Variants in EXT1 observed in about 807,000 individuals in gnomAD.
The protein encoded by EXT1 is exostosin-1.
In EXT1, 20 loss-of-function variants were observed where a neutral mutation model predicts 82.5. That is an observed-to-expected ratio of 0.24 (90% CI 0.17 to 0.35). EXT1 has a LOEUF of 0.35. Ranked by LOEUF, EXT1 falls within the 10% of genes least tolerant of loss-of-function variation. The pLI, the probability that EXT1 is intolerant of heterozygous loss-of-function variation, is 1.00. For missense variants in EXT1, 757 were observed against 936.5 expected, an observed-to-expected ratio of 0.81 and a Z score of 2.50; for synonymous variants, 348 against 350.8, an observed-to-expected ratio of 0.99 and a Z score of 0.09.
chr8:118,106,976 A>G (rs948816953), intron 1 of EXT1, among the ~76,000 whole-genome samples: 8 of 152,218 alleles, frequency 5.3e-5, no homozygotes, highest in African/African-American at 1.2e-4. Context: ...CTCTATTACA[A>G]GAGAAAAGTA....
chr8:117,819,667 C>T lies in EXT1; in HGVS notation c.1536+9G>A. 1.2e-6 allele frequency: 2 copies of T among 1,611,208 alleles called. No homozygotes were observed. The highest frequency in any genetic ancestry group is 1.7e-6 in the Non-Finnish European group (2 of 1,179,060). ...CAGGCAGGGGCTTCTCTGTCAACTTCCCGCTCACCTGGGCACAGTACTGGG... is the reference window on the plus strand; with the variant it reads ...CAGGCAGGGGCTTCTCTGTCAACTTTCCGCTCACCTGGGCACAGTACTGGG... On this transcript the variant is annotated intron_variant, in intron 6 of 10. Transcript: ENST00000378204.
At chr8:117,799,957 A>C in intron 10 of EXT1, 60 bp from the exon 11 acceptor site, 1 of 1,554,194 alleles carries the variant, frequency 6.4e-7, no homozygotes, top group Non-Finnish European at 8.8e-7. Context: ...AGATGGAAAC[A>C]TTGCAGAAAA....
chr8:117,866,652 T>A (rs2129878747), intron 1 of EXT1, among the ~76,000 whole-genome samples: 1 of 152,240 alleles, frequency 6.6e-6, no homozygotes, highest in African/African-American at 2.4e-5. Context: ...TTGTTGGGTA[T>A]CTCCCAGTAG....
intron 1 of EXT1, among the ~76,000 whole-genome samples, chr8:117,882,043 A>C (rs1813070585): frequency 1.3e-5 from 2 of 152,320 alleles, no homozygotes; most frequent in South Asian, 4.1e-4. Flanking sequence ...GGAACCTGTA[A>C]CCAGACAAAA....
chr8:118,062,953 A>C (rs1358001591), intron 1 of EXT1, among the ~76,000 whole-genome samples: 2 of 152,228 alleles, frequency 1.3e-5, no homozygotes, highest in Non-Finnish European at 2.9e-5. Flanking sequence ...AACTCAAAAT[A>C]ATATGGATGC....
chr8:118,065,961 GA>G (rs1434740987), intron 1 of EXT1, among the ~76,000 whole-genome samples: 1 of 152,168 alleles, frequency 6.6e-6, no homozygotes, highest in Non-Finnish European at 1.5e-5. Flanking sequence ...GAGGTGAGAA[GA>G]AACTGGACAC....
At chr8:118,070,240 G>GTGTGTC (rs1437823205) in intron 1 of EXT1, among the ~76,000 whole-genome samples, 1 of 130,972 alleles carries the variant, frequency 7.6e-6, no homozygotes, top group East Asian at 2.0e-4. Flanking sequence ...GTGTGTGTGT[G>GTGTGTC]TGTGTGTGTG....
chr8:117,995,820 C>A (rs2129797988), intron 1 of EXT1, among the ~76,000 whole-genome samples: 1 of 152,290 alleles, frequency 6.6e-6, no homozygotes, highest in East Asian at 1.9e-4. Flanking sequence ...TTCCCAACCA[C>A]CTCCTTCACA....
At chr8:117,816,225 T>A (rs749831315) in intron 7 of EXT1, among the ~76,000 whole-genome samples, 9 of 152,166 alleles carry the variant, frequency 5.9e-5, no homozygotes, top group Non-Finnish European at 1.0e-4. Flanking sequence ...ACACAGAGGA[T>A]TAGCAACTTG....
chr8:118,053,377 T>G (rs1190089205), intron 1 of EXT1, among the ~76,000 whole-genome samples: 1 of 152,218 alleles, frequency 6.6e-6, no homozygotes, highest in Non-Finnish European at 1.5e-5. Flanking sequence ...GCCCTTGATA[T>G]CCTTTTCTTC....
At chr8:117,803,657 C>T (rs1211586532) in intron 10 of EXT1, among the ~76,000 whole-genome samples, 1 of 152,198 alleles carries the variant, frequency 6.6e-6, no homozygotes, top group East Asian at 1.9e-4. Context: ...AATTCTGTCT[C>T]TAACTTACTG....
intron 1 of EXT1, among the ~76,000 whole-genome samples, chr8:118,039,875 A>G (rs1343443703): frequency 6.6e-6 from 1 of 152,240 alleles, no homozygotes; most frequent in East Asian, 1.9e-4. Context: ...CCACTACAGT[A>G]GAAAGGCAGA....
rs1040427507 is a variant in EXT1, at chr8:117,940,508, A to G, written c.963-103307T>C. 3.3e-5 allele frequency among the ~76,000 whole-genome samples: 5 copies of G among 152,346 alleles called. No homozygotes were observed. In the South Asian group the frequency reaches 8.3e-4, roughly 25 times the overall value. ...CATTTCAATTCAAACGACCTTTACT[A>G]AATAGCTACACAGGGACAGCCCTGG... On this transcript the variant is annotated intron_variant, in intron 1 of 10. Transcript: ENST00000378204.
rs11441810 is a variant in EXT1 at position 118,063,204 on chromosome 8, TA to T, written c.962+46880del. 2.9e-3 allele frequency among the ~76,000 whole-genome samples: 440 copies of T among 150,456 alleles called. 2 individuals are homozygous for T. The highest frequency in any genetic ancestry group is 0.01 in the African/African-American group (417 of 41,222). ...GAAATTAAGCAACTGGCAGTTATAG[TA>T]AAAAAAAAATTCAAGTTCTCTTTTA... is the stretch of plus-strand genomic sequence containing the variant. On this transcript the variant is annotated intron_variant, in intron 1 of 10. Coordinates refer to ENST00000378204, the MANE Select transcript of EXT1 (RefSeq NM_000127.3).
At chr8:118,094,035 T>A (rs1817567086) in intron 1 of EXT1, among the ~76,000 whole-genome samples, 1 of 152,334 alleles carries the variant, frequency 6.6e-6, no homozygotes, top group Admixed American at 6.5e-5. Context: ...CCTGGATTGC[T>A]AGAAAAGAAA....
rs34970501 is a variant in EXT1 at position 117,977,391 on chromosome 8, TAA to T, written c.962+132692_962+132693del. The stretch of plus-strand genomic sequence containing the variant: ...AATAGAGCAAGACTCTGTCTCAAAA[TAA>T]AAAAAAAAAAAAAAGACCATATATC... On this transcript the variant is annotated intron_variant, in intron 1 of 10. Transcript: ENST00000378204. Among the ~76,000 whole-genome samples, 64 of 128,938 alleles carry T rather than the reference TAA, an allele frequency of 5.0e-4. 1 individual carries two copies. The highest frequency in any genetic ancestry group is 1.6e-3 in the African/African-American group (55 of 35,060). 84.6% of individuals were successfully genotyped at this position (128,938 alleles called of 152,430 possible).
intron 1 of EXT1, among the ~76,000 whole-genome samples, chr8:117,973,901 A>AGG (rs1815008512): frequency 7.6e-6 from 1 of 131,988 alleles, no homozygotes; most frequent in African/African-American, 3.0e-5. Flanking sequence ...AAAGGAAAGA[A>AGG]AAGGAAAGGA....
At chr8:117,959,141 G>A (rs906960725) in intron 1 of EXT1, among the ~76,000 whole-genome samples, 3 of 152,228 alleles carry the variant, frequency 2.0e-5, no homozygotes, top group African/African-American at 7.2e-5. Context: ...ACAAAGTGAA[G>A]GAAAGAGAAA....
chr8:117,897,410 C>G (rs533356381), intron 1 of EXT1, among the ~76,000 whole-genome samples: 2 of 152,224 alleles, frequency 1.3e-5, no homozygotes, highest in East Asian at 3.9e-4. Context: ...TGCAGGTCTC[C>G]TGTGTGCTGG....
Sources: gnomAD v4.1 joint callset for allele counts (sites outside exome capture counted in the v4.1 genomes callset) on GRCh38, gnomAD v4.1.1 for gene constraint, MANE v1.5 for transcripts, NCBI Gene and HGNC (gene_info 2026-07-23, HGNC 2026-07-21) for gene names.